VAC14: variants seen among roughly 807,000 people sequenced by gnomAD.
VAC14 encodes the protein protein VAC14 homolog.
In VAC14, 47 loss-of-function variants were observed where a neutral mutation model predicts 85.3. The ratio of observed to expected loss-of-function variants is 0.55; its 90% CI spans 0.44 to 0.70. The LOEUF (loss-of-function observed/expected upper bound fraction) is 0.70. Ranked by LOEUF, VAC14 falls within the 30% of genes least tolerant of loss-of-function variation. The probability of loss-of-function intolerance (pLI) is 0.00; values close to 1 mark genes in which losing one functional copy is unlikely to be tolerated. For missense variants in VAC14, 861 were observed against 1,004.3 expected, an observed-to-expected ratio of 0.86 and a Z score of 1.93; for synonymous variants, 447 against 430.5, an observed-to-expected ratio of 1.04 and a Z score of -0.47.
chr16:70,741,248 G>A (rs561034869), intron 13 of VAC14, among the ~76,000 whole-genome samples: 1 of 152,352 alleles, frequency 6.6e-6, no homozygotes, highest in South Asian at 2.1e-4. Context: ...CAGACAGAAA[G>A]AGCCCCTTGC....
At chr16:70,689,891 C>T (rs551205869) in intron 18 of VAC14, 9 of 985,464 alleles carry the variant, frequency 9.1e-6, no homozygotes, top group South Asian at 4.7e-5. Context: ...CAAGGGCCAC[C>T]CCGGAGCTTG....
chr16:70,690,748 G>A (rs919884445), intron 18 of VAC14: 34 of 985,314 alleles, frequency 3.5e-5, no homozygotes, highest in Admixed American at 1.2e-4. Flanking sequence ...GGTGTGAGCC[G>A]TCCTCTGGGC....
chr16:70,766,274 G>A (rs1470410773), intron 10 of VAC14, among the ~76,000 whole-genome samples: 1 of 152,346 alleles, frequency 6.6e-6, no homozygotes, highest in East Asian at 1.9e-4. Context: ...TGGCCCCTCG[G>A]CAAGCTGAGC....
chr16:70,694,986 T>A (rs2053676544), intron 17 of VAC14, among the ~76,000 whole-genome samples: 1 of 152,132 alleles, frequency 6.6e-6, no homozygotes, highest in African/African-American at 2.4e-5. Context: ...TTCAAGGGGG[T>A]TCTGCTGTCA....
intron 14 of VAC14, chr16:70,731,215 A>G: frequency 9.5e-7 from 1 of 1,051,400 alleles, no homozygotes; most frequent in Non-Finnish European, 1.2e-6. Context: ...ATGGCATTGA[A>G]TAAGAGGCTG....
chr16:70,788,557 G>A (rs2034177129), intron 1 of VAC14, among the ~76,000 whole-genome samples: 1 of 152,204 alleles, frequency 6.6e-6, no homozygotes, highest in African/African-American at 2.4e-5. Context: ...GGCAAGGATG[G>A]TTCTACATCA....
chr16:70,700,434 C>T (rs895993604), intron 14 of VAC14, among the ~76,000 whole-genome samples: 1 of 152,314 alleles, frequency 6.6e-6, no homozygotes, highest in African/African-American at 2.4e-5. Context: ...CGCCTGGTGT[C>T]CCCAACTACC....
chr16:70,689,386 C>G, intron 18 of VAC14: 1 of 985,308 alleles, frequency 1.0e-6, no homozygotes, highest in Non-Finnish European at 1.2e-6. Context: ...TTGGGGGAGA[C>G]AAAAAGGAGC....
At chr16:70,738,462 C>T (rs2029925297) in intron 13 of VAC14, among the ~76,000 whole-genome samples, 1 of 152,146 alleles carries the variant, frequency 6.6e-6, no homozygotes, top group Non-Finnish European at 1.5e-5. Context: ...TGGGGACTTC[C>T]AGCTGACGCG....
At chr16:70,792,766 C>A (rs2034393624) in intron 1 of VAC14, among the ~76,000 whole-genome samples, 1 of 152,236 alleles carries the variant, frequency 6.6e-6, no homozygotes, top group Non-Finnish European at 1.5e-5. Flanking sequence ...CTTAGCTTAA[C>A]TCTGTACCAC....
intron 12 of VAC14, chr16:70,755,092 G>C (rs1555521904): frequency 4.7e-6 from 1 of 211,378 alleles, no homozygotes; most frequent in Non-Finnish European, 1.0e-5. Flanking sequence ...GCAGCGTGGG[G>C]GCAGAGGCTG....
At position 70,762,750 on chromosome 16, in the gene VAC14, C is replaced by T. The variant is rs532084700; in HGVS notation, c.1305+131G>A. 7.9e-6 allele frequency: 12 copies of T among 1,514,526 alleles called. No homozygotes were observed. The highest frequency in any genetic ancestry group is 1.1e-5 in the Non-Finnish European group (12 of 1,109,622). The allele number at this position is 1,514,526 out of a possible 1,614,324, so 93.8% of individuals were successfully genotyped here. ...GACACAATGAGGGCTCCTCGCAGCA[C>T]CTGTCACTTCTCTGCCGGCCAGGGT... On this transcript the variant is annotated intron_variant, in intron 11 of 18. Coordinates refer to ENST00000261776, the MANE Select transcript of VAC14 (RefSeq NM_018052.5). The surrounding 1 kb of genome is among the most constrained non-coding windows in gnomAD (Gnocchi z 4.1).
intron 9 of VAC14, chr16:70,779,065 C>T (rs1320962980): frequency 1.3e-5 from 2 of 152,328 alleles, no homozygotes; most frequent in African/African-American, 2.4e-5. Context: ...CGAACCCGGG[C>T]CTCCCGCGTG....
In VAC14 at chr16:70,764,049, A is replaced by G. The variant is rs113258034; in HGVS notation, c.1161-1024T>C. On this transcript the variant is annotated intron_variant, in intron 10 of 18. Coordinates refer to ENST00000261776, the MANE Select transcript of VAC14 (RefSeq NM_018052.5). ...GCCAGCAGATCAGTCCCCTGCCGGT[A>G]TAAAACCGTCTCTTCGTGGCATTTC... is the stretch of plus-strand genomic sequence containing the variant. Among the ~76,000 whole-genome samples, 35 of 152,354 alleles carry G rather than the reference A, an allele frequency of 2.3e-4. 1 individual carries two copies. Among genetic ancestry groups the G allele is most frequent in the African/African-American group, 8.2e-4 (34 of 41,592 alleles).
intron 6 of VAC14, 102 bp from the exon 7 acceptor site, chr16:70,783,241 G>T (rs556323016): frequency 4.5e-6 from 6 of 1,319,872 alleles, no homozygotes; most frequent in Non-Finnish European, 5.3e-6. Context: ...CCCAGAGGGC[G>T]GCTTGGCTTT....
chr16:70,731,730 T>C (rs1032295190), intron 13 of VAC14, 103 bp from the exon 14 acceptor site: 1 of 1,258,978 alleles, frequency 7.9e-7, no homozygotes, highest in African/African-American at 1.5e-5. Flanking sequence ...AAAAGATGTG[T>C]GTGGGGGGTG....
At chr16:70,767,939 C>G (rs1352450759) in intron 10 of VAC14, among the ~76,000 whole-genome samples, 1 of 152,164 alleles carries the variant, frequency 6.6e-6, no homozygotes, top group African/African-American at 2.4e-5. Context: ...GGCTGGAGTG[C>G]AGTGGTACAA....
intron 1 of VAC14, among the ~76,000 whole-genome samples, chr16:70,792,792 G>T (rs958348979): frequency 6.6e-6 from 1 of 152,138 alleles, no homozygotes; most frequent in African/African-American, 2.4e-5. Context: ...AGTGACAGTC[G>T]CAAGAGACTG....
intron 13 of VAC14, among the ~76,000 whole-genome samples, chr16:70,736,901 G>A (rs1250932616): frequency 6.6e-6 from 1 of 152,110 alleles, no homozygotes; most frequent in East Asian, 1.9e-4. Context: ...TGAAGGGGCA[G>A]GGAGGGCGGG....
Sources: gnomAD v4.1 joint callset for allele counts (sites outside exome capture counted in the v4.1 genomes callset) on GRCh38, gnomAD v4.1.1 for gene constraint, Gnocchi (gnomAD v3.1) non-coding constraint, MANE v1.5 for transcripts, NCBI Gene and HGNC (gene_info 2026-07-23, HGNC 2026-07-21) for gene names.